The following GRK4 variants were observed in gnomAD, a reference collection of about 807,000 sequenced individuals.
The protein encoded by GRK4 is G protein-coupled receptor kinase 2-like.
In GRK4, 73 loss-of-function variants were observed where a neutral mutation model predicts 77.9. That is an observed-to-expected ratio of 0.94 (90% CI 0.78 to 1.14). GRK4 has a LOEUF of 1.14. Ranked by LOEUF, GRK4 falls within the 50% of genes most tolerant of loss-of-function variation. The pLI is 0.00. For synonymous variants in GRK4, 257 were observed against 254.4 expected, an observed-to-expected ratio of 1.01 and a Z score of -0.10; for missense variants, 729 against 700.2, an observed-to-expected ratio of 1.04 and a Z score of -0.46.
intron 12 of GRK4, among the ~76,000 whole-genome samples, chr4:3,033,381 G>T (rs1275149525): frequency 1.3e-5 from 2 of 152,064 alleles, no homozygotes; most frequent in Non-Finnish European, 2.9e-5. Context: ...CCTCCAGAAG[G>T]TCCCACCTCT....
chr4:3,012,822 C>T (rs1272704120), intron 7 of GRK4, among the ~76,000 whole-genome samples: 1 of 152,048 alleles, frequency 6.6e-6, no homozygotes, highest in Non-Finnish European at 1.5e-5. Flanking sequence ...TCCTTATACT[C>T]TTGACATTTT....
chr4:3,028,737 CAG>C (rs1225089337), intron 11 of GRK4, among the ~76,000 whole-genome samples: 2 of 151,714 alleles, frequency 1.3e-5, no homozygotes, highest in Non-Finnish European at 2.9e-5. Context: ...AGTATTTTCA[CAG>C]AGTCATGCAA....
At chr4:2,966,679 A>G (rs1327878878) in intron 1 of GRK4, 3 of 152,220 alleles carry the variant, frequency 2.0e-5, no homozygotes, top group African/African-American at 4.8e-5. Context: ...TCTCCCAGGA[A>G]GTACCAGGAG....
intron 1 of GRK4, among the ~76,000 whole-genome samples, chr4:2,979,403 C>CAAAAAAAAAAAAA (rs144374548): frequency 3.4e-5 from 2 of 59,194 alleles, no homozygotes; most frequent in Non-Finnish European, 6.2e-5. Context: ...GACTCTGTCT[C>CAAAAAAAAAAAAA]AAAAAAAAAA....
chr4:2,965,166 TTGGATGTGAATCCA>T (rs1717150773), intron 1 of GRK4: 1 of 640,074 alleles, frequency 1.6e-6, no homozygotes, highest in African/African-American at 1.8e-5. Context: ...GCTCAGCTTT[TTGGATGTGAATCCA>T]CTGAGCTGGT....
At chr4:3,039,263 T>C (rs1410466837) in intron 15 of GRK4, among the ~76,000 whole-genome samples, 1 of 152,198 alleles carries the variant, frequency 6.6e-6, no homozygotes, top group Non-Finnish European at 1.5e-5. Context: ...CTTTCTGTAA[T>C]AGCATTAAAT....
At chr4:2,984,248 G>A (rs1164447314) in intron 1 of GRK4, among the ~76,000 whole-genome samples, 1 of 152,204 alleles carries the variant, frequency 6.6e-6, no homozygotes, top group African/African-American at 2.4e-5. Context: ...AATATGTCAT[G>A]TTAGATCTTG....
chr4:3,034,012 G>T (rs1739893383), intron 12 of GRK4, among the ~76,000 whole-genome samples: 1 of 152,224 alleles, frequency 6.6e-6, no homozygotes, highest in South Asian at 2.1e-4. Context: ...TTAGCTTCAG[G>T]AAGCTTTGAG....
intron 12 of GRK4, among the ~76,000 whole-genome samples, chr4:3,033,223 A>AAAAG (rs771454152): frequency 1.3e-5 from 2 of 152,160 alleles, no homozygotes; most frequent in East Asian, 1.9e-4. Flanking sequence ...TCTATATTTT[A>AAAAG]AAAGAAAGAA....
intron 2 of GRK4, among the ~76,000 whole-genome samples, chr4:2,985,028 C>T (rs1298151526): frequency 1.3e-5 from 2 of 152,160 alleles, no homozygotes; most frequent in Non-Finnish European, 2.9e-5. Flanking sequence ...ATTCCTCTCC[C>T]CATGACCGAG....
At chr4:3,008,846 A>G (rs1732066085) in intron 6 of GRK4, among the ~76,000 whole-genome samples, 1 of 151,516 alleles carries the variant, frequency 6.6e-6, no homozygotes, top group South Asian at 2.1e-4. Context: ...TGTTATTATT[A>G]GTACTATTAT....
intron 12 of GRK4, among the ~76,000 whole-genome samples, 162 bp from the exon 13 acceptor site, chr4:3,035,224 G>C (rs1315246741): frequency 6.6e-6 from 1 of 151,478 alleles, no homozygotes. Flanking sequence ...CAGCCTGGGT[G>C]ACAGAACGAG....
chr4:3,012,868 C>T (rs932930867), intron 7 of GRK4, among the ~76,000 whole-genome samples: 4 of 152,038 alleles, frequency 2.6e-5, no homozygotes, highest in Non-Finnish European at 4.4e-5. Flanking sequence ...AGGCCAGGCG[C>T]GGTGGCTCAC....
intron 1 of GRK4, chr4:2,965,276 T>C: frequency 1.4e-6 from 1 of 703,040 alleles, no homozygotes; most frequent in Non-Finnish European, 2.6e-6. Context: ...CATCAGTTGG[T>C]CCAGCCCTTC....
chr4:3,002,893 G>A (rs888137963), intron 4 of GRK4, among the ~76,000 whole-genome samples: 2 of 152,112 alleles, frequency 1.3e-5, no homozygotes, highest in African/African-American at 2.4e-5. Context: ...CTGAAGAGGT[G>A]TGTGTGTTTG....
At chr4:2,977,286 T>C (rs1721502064) in intron 1 of GRK4, among the ~76,000 whole-genome samples, 3 of 152,344 alleles carry the variant, frequency 2.0e-5, no homozygotes, top group Non-Finnish European at 2.9e-5. Flanking sequence ...ACCTGTTTGC[T>C]AGAGCGTGGG....
rs561990166 is a variant in GRK4, at chr4:3,001,231, G to A, written c.340-3000G>A. Among the ~76,000 whole-genome samples, 38 of 131,596 alleles carry A rather than the reference G, an allele frequency of 2.9e-4. 3 individuals are homozygous for A. Among genetic ancestry groups the A allele is most frequent in the Admixed American group, 1.5e-3 (20 of 13,058 alleles). 86.3% of individuals were successfully genotyped at this position (131,596 alleles called of 152,430 possible). A position where few individuals can be genotyped will look rare whatever the true frequency, so the allele number is the denominator to read the frequency against. On this transcript the variant is annotated intron_variant, in intron 4 of 15. Transcript: ENST00000398052. The stretch of plus-strand genomic sequence containing the variant: ...TATGTGTATATATATGTATATATGT[G>A]TATGTGTATATATATACATATATGT...
At chr4:3,021,507 G>A (rs1736075016) in intron 9 of GRK4, among the ~76,000 whole-genome samples, 1 of 152,180 alleles carries the variant, frequency 6.6e-6, no homozygotes, top group Non-Finnish European at 1.5e-5. Flanking sequence ...CAGCCAATAT[G>A]GGATAAATAT....
At chr4:3,028,064 C>A (rs1021122233) in intron 11 of GRK4, 63 bp downstream of exon 11, 15 of 1,403,516 alleles carry the variant, frequency 1.1e-5, no homozygotes, top group Non-Finnish European at 3.0e-6. Flanking sequence ...CCTCAGAACA[C>A]AGAGAAATCC....
Sources: allele counts gnomAD v4.1 joint callset (sites outside exome capture counted in the v4.1 genomes callset), GRCh38; gene constraint gnomAD v4.1.1; transcripts MANE v1.5; gene names NCBI Gene and HGNC (gene_info 2026-07-23, HGNC 2026-07-21).